The following RPS6KA5 variants were observed in gnomAD, a reference collection of about 807,000 sequenced individuals.
The protein encoded by RPS6KA5 is ribosomal protein S6 kinase A5.
A neutral mutation model predicts 85.5 loss-of-function variants in RPS6KA5; 27 were observed. The observed-to-expected ratio is 0.32, with a 90% CI of 0.23 to 0.44. RPS6KA5 has a LOEUF of 0.44. RPS6KA5 is among the 20% of genes least tolerant of loss of function. The probability of loss-of-function intolerance (pLI) is 1.00; values close to 1 mark genes in which losing one functional copy is unlikely to be tolerated. For missense variants in RPS6KA5, 811 were observed against 980.9 expected (o/e 0.83, Z 2.31); for synonymous variants, 334 against 348.2 (o/e 0.96, Z 0.46).
Position 90,906,136 on chromosome 14 carries a change from T to A in RPS6KA5, c.957+13A>T. Reference sequence around the variant, plus strand: ...AAGGAGTATGAAACCATTTATCTATTCAATAATTTCACCTGAAAGAAGAGA... The same window carrying A: ...AAGGAGTATGAAACCATTTATCTATACAATAATTTCACCTGAAAGAAGAGA... On this transcript the variant is annotated intron_variant, in intron 8 of 16. Transcript: ENST00000614987. 1.1e-5 allele frequency: 17 copies of A among 1,584,478 alleles called. No individual in the cohort carries two copies. Among genetic ancestry groups the A allele is most frequent in the Non-Finnish European group, 1.5e-5 (17 of 1,159,050 alleles).
chr14:90,918,878 A>G (rs1478000104), intron 7 of RPS6KA5, among the ~76,000 whole-genome samples: 3 of 152,130 alleles, frequency 2.0e-5, no homozygotes, highest in African/African-American at 4.8e-5. Flanking sequence ...AACTTAGAAC[A>G]AAGTTTATTT....
chr14:90,945,264 C>T (rs1026746440), intron 4 of RPS6KA5, among the ~76,000 whole-genome samples: 1 of 152,078 alleles, frequency 6.6e-6, no homozygotes, highest in Non-Finnish European at 1.5e-5. Context: ...CACAACACAA[C>T]AGAACACAAA....
Position 90,870,113 on chromosome 14 carries a change from T to C in RPS6KA5, c.*1961A>G, listed in dbSNP as rs1024532033. On this transcript the variant is annotated 3_prime_UTR_variant, in exon 17 of 17. Coordinates refer to ENST00000614987, the MANE Select transcript of RPS6KA5 (RefSeq NM_004755.4). ...TCTGGATCATTTTCTATTAGCAACA[T>C]AGTCCCTTTAGTTTGTACTTTATAA... 1.3e-5 allele frequency: 2 copies of C among 152,220 alleles called. No homozygotes were observed. The highest frequency in any genetic ancestry group is 2.9e-5 in the Non-Finnish European group (2 of 68,020). The allele number at this position is 152,220 out of a possible 1,614,324, so 9.4% of individuals were successfully genotyped here. A position where few individuals can be genotyped will look rare whatever the true frequency, so the allele number is the denominator to read the frequency against.
chr14:90,990,039 TTTGG>T (rs1230862705), intron 2 of RPS6KA5, among the ~76,000 whole-genome samples: 1 of 152,000 alleles, frequency 6.6e-6, no homozygotes, highest in East Asian at 1.9e-4. Flanking sequence ...TTGGGCAGGA[TTTGG>T]ACAGGTGGAA....
intron 2 of RPS6KA5, among the ~76,000 whole-genome samples, chr14:90,993,298 G>T (rs1297892927): frequency 6.6e-6 from 1 of 152,180 alleles, no homozygotes; most frequent in Non-Finnish European, 1.5e-5. Flanking sequence ...AAATTAGCCA[G>T]CCATGGTGGC....
At chr14:90,904,749 G>C (rs752153892) in intron 8 of RPS6KA5, among the ~76,000 whole-genome samples, 1 of 152,136 alleles carries the variant, frequency 6.6e-6, no homozygotes, top group Non-Finnish European at 1.5e-5. Flanking sequence ...TTTACAAGTA[G>C]AATTCTGGTC....
chr14:91,035,055 CAG>C (rs2042343592), intron 1 of RPS6KA5, among the ~76,000 whole-genome samples: 1 of 151,662 alleles, frequency 6.6e-6, no homozygotes, highest in South Asian at 2.1e-4. Flanking sequence ...CACAAGGAAA[CAG>C]AATATCTGAG....
intron 1 of RPS6KA5, among the ~76,000 whole-genome samples, chr14:91,015,831 A>G (rs922077696): frequency 6.6e-6 from 1 of 152,238 alleles, no homozygotes; most frequent in Non-Finnish European, 1.5e-5. Flanking sequence ...TTTTAAAAAA[A>G]TGTTAACTCA....
chr14:91,034,263 C>G (rs916327937), intron 1 of RPS6KA5, among the ~76,000 whole-genome samples: 1 of 151,346 alleles, frequency 6.6e-6, no homozygotes, highest in Non-Finnish European at 1.5e-5. Flanking sequence ...CAGGATCACA[C>G]CATTGCACTC....
Position 90,867,378 on chromosome 14 carries a change from T to A in RPS6KA5, c.*4696A>T, listed in dbSNP as rs1231742398. Reference sequence around the variant, plus strand: ...AAGGGGCAAATTGTATACCAACATATAAATTAAAAGTGTTATGCAATGAGA... The same window carrying A: ...AAGGGGCAAATTGTATACCAACATAAAAATTAAAAGTGTTATGCAATGAGA... On this transcript the variant is annotated 3_prime_UTR_variant, in exon 17 of 17. Transcript: ENST00000614987. 3.3e-5 allele frequency: 5 copies of A among 151,830 alleles called. No individual in the cohort carries two copies. The highest frequency in any genetic ancestry group is 7.3e-5 in the African/African-American group (3 of 41,326). The allele number at this position is 151,830 out of a possible 1,614,324, so 9.4% of individuals were successfully genotyped here. A position where few individuals can be genotyped will look rare whatever the true frequency, so the allele number is the denominator to read the frequency against.
chr14:90,995,961 T>C (rs1249078350), intron 2 of RPS6KA5, among the ~76,000 whole-genome samples: 1 of 152,090 alleles, frequency 6.6e-6, no homozygotes, highest in Non-Finnish European at 1.5e-5. Context: ...TGGCACATGG[T>C]TGCAGTCTCA....
At chr14:90,882,883 C>T (rs1025077270) in intron 14 of RPS6KA5, among the ~76,000 whole-genome samples, 12 of 151,978 alleles carry the variant, frequency 7.9e-5, no homozygotes, top group African/African-American at 1.7e-4. Context: ...CTGCAACCTC[C>T]GCCTCCCAAG....
In RPS6KA5 at chr14:90,853,514, T is replaced by C. The variant is rs927744749; in HGVS notation, c.*18560A>G. The C allele has an allele frequency of 6.6e-5, 10 of 151,292 alleles. No homozygotes were observed. Among genetic ancestry groups the C allele is most frequent in the African/African-American group, 2.4e-4 (10 of 41,262 alleles). 9.4% of individuals were successfully genotyped at this position (151,292 alleles called of 1,614,324 possible). On this transcript the variant is annotated 3_prime_UTR_variant, in exon 17 of 17. Coordinates refer to ENST00000614987, the MANE Select transcript of RPS6KA5 (RefSeq NM_004755.4). The stretch of plus-strand genomic sequence containing the variant: ...AAAAACCCAAAAACAAAACAAAGCA[T>C]CAATGGATGTTTTAAATACCTAAAA...
chr14:90,907,689 T>A (rs1152434), intron 7 of RPS6KA5, among the ~76,000 whole-genome samples: 2,287 of 152,284 alleles, frequency 0.015, 71 homozygotes, highest in African/African-American at 0.053. Flanking sequence ...AAGAAAATGT[T>A]GGTAAAACAA....
At chr14:90,973,583 T>C (rs781392921) in intron 3 of RPS6KA5, among the ~76,000 whole-genome samples, 9 of 151,312 alleles carry the variant, frequency 5.9e-5, no homozygotes, top group Non-Finnish European at 7.4e-5. Context: ...GAAAAGATAA[T>C]AAACAATAAC....
Position 90,857,273 on chromosome 14 carries a change from A to G in RPS6KA5, c.*14801T>C, listed in dbSNP as rs1466016366. 6.6e-6 allele frequency: 1 copy of G among 152,216 alleles called. No homozygotes were observed. The highest frequency in any genetic ancestry group is 1.5e-5 in the Non-Finnish European group (1 of 68,036). 9.4% of individuals were successfully genotyped at this position (152,216 alleles called of 1,614,324 possible). ...TAACAGTGACATGTGCCCAGATTATATTTTTATCTTGGTAACACTGAAATT... is the reference window on the plus strand; with the variant it reads ...TAACAGTGACATGTGCCCAGATTATGTTTTTATCTTGGTAACACTGAAATT... On this transcript the variant is annotated 3_prime_UTR_variant, in exon 17 of 17. Coordinates refer to ENST00000614987, the MANE Select transcript of RPS6KA5 (RefSeq NM_004755.4).
chr14:90,894,720 TC>T (rs1161143873), intron 12 of RPS6KA5, 137 bp from the exon 13 acceptor site: 1 of 1,079,668 alleles, frequency 9.3e-7, no homozygotes, highest in African/African-American at 1.6e-5. Context: ...AATCCTCATA[TC>T]TTAGAGAAAA....
intron 1 of RPS6KA5, among the ~76,000 whole-genome samples, chr14:91,008,362 A>C (rs1431325136): frequency 6.6e-6 from 1 of 152,240 alleles, no homozygotes; most frequent in Non-Finnish European, 1.5e-5. Flanking sequence ...CATTTATTAA[A>C]CTTGAAATAA....
At chr14:90,927,937 CTTTTT>C (rs386382140) in intron 5 of RPS6KA5, among the ~76,000 whole-genome samples, 2 of 136,496 alleles carry the variant, frequency 1.5e-5, no homozygotes, top group African/African-American at 5.4e-5. Flanking sequence ...CTTTTCTTTT[CTTTTT>C]TTTTTTTTTT....
Sources: gnomAD v4.1 joint callset for allele counts (sites outside exome capture counted in the v4.1 genomes callset) on GRCh38, gnomAD v4.1.1 for gene constraint, MANE v1.5 for transcripts, NCBI Gene and HGNC (gene_info 2026-07-23, HGNC 2026-07-21) for gene names.